PCDHGA2: variants seen among roughly 807,000 people sequenced by gnomAD.
PCDHGA2 encodes protocadherin gamma-A2.
A neutral mutation model predicts 59.2 loss-of-function variants in PCDHGA2; 40 were observed. The observed-to-expected ratio is 0.68, with a 90% CI of 0.52 to 0.88. The LOEUF is 0.88. Ranked by LOEUF, PCDHGA2 falls within the 40% of genes least tolerant of loss-of-function variation. PCDHGA2 has a pLI of 0.00. For missense variants in PCDHGA2, 1,226 were observed against 1,204.0 expected, an observed-to-expected ratio of 1.02 and a Z score of -0.27; for synonymous variants, 560 against 526.0, an observed-to-expected ratio of 1.06 and a Z score of -0.89.
intron 1 of PCDHGA2, chr5:141,412,932 T>A: frequency 2.2e-6 from 1 of 453,328 alleles, no homozygotes; most frequent in Non-Finnish European, 3.9e-6. Flanking sequence ...AGTAACTTCT[T>A]AGGACTCTGA....
intron 1 of PCDHGA2, chr5:141,362,249 T>A (rs1275406008): frequency 3.1e-6 from 5 of 1,614,024 alleles, no homozygotes; most frequent in Non-Finnish European, 4.2e-6. Flanking sequence ...CTCTTCTTCC[T>A]CGCGGTGATT....
At chr5:141,393,820 C>T (rs2092851099) in intron 1 of PCDHGA2, 1 of 1,613,918 alleles carries the variant, frequency 6.2e-7, no homozygotes, top group Non-Finnish European at 8.5e-7. Context: ...TTGCTCATTT[C>T]GGTGGAAGAT....
chr5:141,340,603 C>G lies in PCDHGA2; in HGVS notation c.1632C>G (p.Ser544Arg), dbSNP rs1283666005. The G allele has an allele frequency of 1.9e-6, 3 of 1,614,082 alleles. No homozygotes were observed. Among genetic ancestry groups the G allele is most frequent in the Non-Finnish European group, 2.5e-6 (3 of 1,180,044 alleles). Residue 544 changes from serine (S) to arginine (R), a missense_variant, in exon 1 of 4, where the codon AGC becomes AGG. Coordinates refer to ENST00000394576, the MANE Select transcript of PCDHGA2 (RefSeq NM_018915.4). ...ARDSGNPPLSSNVSLSLFVLD... is the reference protein window; with the variant it reads ...ARDSGNPPLSRNVSLSLFVLD... ...ACAGCGGGAACCCTCCACTCAGTAG[C>G]AATGTATCATTAAGCCTGTTCGTGC...
intron 2 of PCDHGA2, among the ~76,000 whole-genome samples, chr5:141,501,102 C>G (rs951290710): frequency 2.0e-5 from 3 of 152,014 alleles, no homozygotes; most frequent in African/African-American, 4.8e-5. Flanking sequence ...CTCTTGACCT[C>G]GTGATCCGCC....
intron 1 of PCDHGA2, chr5:141,357,611 C>T: frequency 6.2e-7 from 1 of 1,613,912 alleles, no homozygotes; most frequent in Non-Finnish European, 8.5e-7. Flanking sequence ...AAAGGAGACC[C>T]TAATCTTCAG....
At chr5:141,482,513 A>C (rs552094845) in intron 1 of PCDHGA2, among the ~76,000 whole-genome samples, 1 of 143,798 alleles carries the variant, frequency 7.0e-6, no homozygotes, top group East Asian at 2.1e-4. Flanking sequence ...CCCAGAGTAC[A>C]GTATGAGACA....
At chr5:141,413,708 C>G in intron 1 of PCDHGA2, 1 of 1,613,664 alleles carries the variant, frequency 6.2e-7, no homozygotes, top group African/African-American at 1.3e-5. Flanking sequence ...CAGCTCAGCC[C>G]CAATAAGCAC....
intron 1 of PCDHGA2, among the ~76,000 whole-genome samples, chr5:141,363,489 G>T (rs527713063): frequency 1.3e-5 from 2 of 152,304 alleles, no homozygotes; most frequent in Non-Finnish European, 1.5e-5. Flanking sequence ...CATGGATGAT[G>T]AAATAAAACC....
At chr5:141,355,428 C>A in intron 1 of PCDHGA2, 1 of 1,614,082 alleles carries the variant, frequency 6.2e-7, no homozygotes, top group Non-Finnish European at 8.5e-7. Context: ...AGCTTTTCGC[C>A]CTGAACCCGC....
At chr5:141,408,438 C>G (rs749271632) in intron 1 of PCDHGA2, 8 of 1,613,896 alleles carry the variant, frequency 5.0e-6, no homozygotes, top group Non-Finnish European at 5.9e-6. Flanking sequence ...AGCGTAGACG[C>G]GGAGAGCGGG....
chr5:141,497,396 C>T (rs2099776233), intron 2 of PCDHGA2, among the ~76,000 whole-genome samples: 1 of 152,116 alleles, frequency 6.6e-6, no homozygotes, highest in Middle Eastern at 3.2e-3. Flanking sequence ...CTTACCCCTG[C>T]CTCAACTCCC....
intron 1 of PCDHGA2, chr5:141,374,190 C>T: frequency 6.2e-7 from 1 of 1,613,820 alleles, no homozygotes; most frequent in Non-Finnish European, 8.5e-7. Context: ...TACTCTATTC[C>T]CGAGGAGCTG....
intron 1 of PCDHGA2, among the ~76,000 whole-genome samples, chr5:141,455,137 G>A (rs892739175): frequency 2.7e-5 from 4 of 150,642 alleles, no homozygotes; most frequent in African/African-American, 9.8e-5. Flanking sequence ...ATTACACTGT[G>A]TTAAATAAAT....
At chr5:141,495,810 C>A (rs1003475681) in intron 2 of PCDHGA2, among the ~76,000 whole-genome samples, 2 of 152,088 alleles carry the variant, frequency 1.3e-5, no homozygotes, top group African/African-American at 4.8e-5. Flanking sequence ...CGTTTCCTAG[C>A]GCCTTGTGTT....
chr5:141,384,704 C>T (rs1191674511), intron 1 of PCDHGA2: 2 of 1,614,004 alleles, frequency 1.2e-6, no homozygotes, highest in African/African-American at 2.7e-5. Flanking sequence ...GGCCAGAACG[C>T]CTGGCTGTCA....
intron 1 of PCDHGA2, among the ~76,000 whole-genome samples, chr5:141,368,793 T>G (rs1012926253): frequency 6.6e-6 from 1 of 152,202 alleles, no homozygotes; most frequent in Non-Finnish European, 1.5e-5. Context: ...GAATAATTTT[T>G]CATACTAATT....
chr5:141,365,615 ACCCCGC>A, intron 1 of PCDHGA2: 1 of 1,613,178 alleles, frequency 6.2e-7, no homozygotes. Context: ...GGACCATGGA[ACCCCGC>A]CCCTCTCTAC....
At chr5:141,358,657 A>T (rs1423903378) in intron 1 of PCDHGA2, among the ~76,000 whole-genome samples, 2 of 152,232 alleles carry the variant, frequency 1.3e-5, no homozygotes, top group South Asian at 2.1e-4. Context: ...TCTAGGAGTA[A>T]CTTTAATAAT....
At chr5:141,447,549 A>T (rs1387130901) in intron 1 of PCDHGA2, among the ~76,000 whole-genome samples, 1 of 152,216 alleles carries the variant, frequency 6.6e-6, no homozygotes, top group Non-Finnish European at 1.5e-5. Context: ...TAATGTTATG[A>T]GTACACTTGG....
Sources: gnomAD v4.1 joint callset for allele counts (sites outside exome capture counted in the v4.1 genomes callset) on GRCh38, gnomAD v4.1.1 for gene constraint, MANE v1.5 for transcripts, NCBI Gene and HGNC (gene_info 2026-07-23, HGNC 2026-07-21) for gene names.